THEMIS2: variants seen among roughly 807,000 people sequenced by gnomAD.
THEMIS2 encodes the protein thymocyte selection associated family member 2, also known as protein THEMIS2.
A neutral mutation model predicts 46.8 loss-of-function variants in THEMIS2; 29 were observed. That is an observed-to-expected ratio of 0.62 (90% CI 0.46 to 0.84). The LOEUF (loss-of-function observed/expected upper bound fraction) is 0.84, where lower values mean the gene tolerates loss of function less well. THEMIS2 is among the 40% of genes least tolerant of loss of function. The pLI is 0.00. For missense variants in THEMIS2, 698 were observed against 834.7 expected (o/e 0.84, Z 2.02); for synonymous variants, 335 against 349.1 (o/e 0.96, Z 0.45).
At chr1:27,881,826 G>A (rs1183142406) in intron 3 of THEMIS2, 145 bp from the exon 4 acceptor site, 17 of 631,906 alleles carry the variant, frequency 2.7e-5, no homozygotes, top group East Asian at 1.7e-4. Flanking sequence ...ACTCCATCTC[G>A]AGTGAAACTC....
intron 4 of THEMIS2, among the ~76,000 whole-genome samples, 172 bp downstream of exon 4, chr1:27,883,215 A>G (rs2089716215): frequency 1.3e-5 from 2 of 152,214 alleles, no homozygotes; most frequent in Middle Eastern, 3.4e-3. Flanking sequence ...TGAGGTTGGC[A>G]TGATTATCAG....
At chr1:27,875,604 G>T (rs1362499050) in intron 1 of THEMIS2, among the ~76,000 whole-genome samples, 2 of 152,198 alleles carry the variant, frequency 1.3e-5, no homozygotes, top group Non-Finnish European at 2.9e-5. Flanking sequence ...TAGCTGGATG[G>T]AGAGACTGTG....
intron 2 of THEMIS2, 41 bp downstream of exon 2, chr1:27,876,769 CT>C: frequency 6.2e-7 from 1 of 1,605,542 alleles, no homozygotes; most frequent in Non-Finnish European, 8.5e-7. Context: ...CCCTGGCACT[CT>C]CCTGGCACAC....
chr1:27,877,240 C>T (rs2089597270), intron 2 of THEMIS2, among the ~76,000 whole-genome samples: 1 of 152,178 alleles, frequency 6.6e-6, no homozygotes, highest in African/African-American at 2.4e-5. Context: ...GGCATCTGAA[C>T]CAGAAGAAAG....
chr1:27,880,136 C>T, intron 3 of THEMIS2, 82 bp downstream of exon 3: 3 of 1,418,350 alleles, frequency 2.1e-6, no homozygotes, highest in Admixed American at 5.0e-5. Flanking sequence ...ATGGAAGACA[C>T]CCCCACCCCA....
At position 27,879,901 on chromosome 1, in the gene THEMIS2, G is replaced by A. The variant is rs1260411403; in HGVS notation, c.493G>A (p.Gly165Arg). 6.2e-7 allele frequency: 1 copy of A among 1,612,066 alleles called. No individual in the cohort carries two copies. Among genetic ancestry groups the A allele is most frequent in the Non-Finnish European group, 8.5e-7 (1 of 1,179,050 alleles). Residue 165 changes from glycine (G) to arginine (R), a missense_variant, in exon 3 of 6, where the codon GGG becomes AGG. Coordinates refer to ENST00000373921, the MANE Select transcript of THEMIS2 (RefSeq NM_001105556.3). ...CCTGCACCTGCCCCTATCCCAGAAG[G>A]GGCCCTTCTGGACATGGGAGCCTAG... ...VILHLPLSQKGPFWTWEPSAP... is the reference protein window; with the variant it reads ...VILHLPLSQKRPFWTWEPSAP...
Position 27,886,180 on chromosome 1 carries a change from C to A in THEMIS2, c.*258C>A. 2.0e-6 allele frequency: 1 copy of A among 501,696 alleles called. No individual in the cohort carries two copies. Among genetic ancestry groups the A allele is most frequent in the South Asian group, 2.4e-5 (1 of 41,422 alleles). The allele number at this position is 501,696 out of a possible 1,614,324, so 31.1% of individuals were successfully genotyped here. On this transcript the variant is annotated 3_prime_UTR_variant, in exon 6 of 6. Coordinates refer to ENST00000373921, the MANE Select transcript of THEMIS2 (RefSeq NM_001105556.3). The stretch of plus-strand genomic sequence containing the variant: ...AGCCTCAGAGCCTTGGGATGCAGAG[C>A]AGCTGGCAGGGTTCCTCTCAATCCT...
chr1:27,874,692 G>A (rs1410903957), intron 1 of THEMIS2, among the ~76,000 whole-genome samples: 1 of 151,880 alleles, frequency 6.6e-6, no homozygotes, highest in African/African-American at 2.4e-5. Context: ...TGAGGTGGGA[G>A]GATTGCTTGA....
chr1:27,876,763 G>C (rs768167336), intron 2 of THEMIS2, 35 bp downstream of exon 2: 13 of 1,609,276 alleles, frequency 8.1e-6, no homozygotes, highest in Non-Finnish European at 1.1e-5. Flanking sequence ...CATGTGCCCT[G>C]GCACTCTCCT....
At chr1:27,876,787 G>A in intron 2 of THEMIS2, 59 bp downstream of exon 2, 2 of 1,582,966 alleles carry the variant, frequency 1.3e-6, no homozygotes, top group Non-Finnish European at 1.7e-6. Flanking sequence ...ACACCCGCAG[G>A]CTGCTCGTGG....
At chr1:27,885,568 A>G (rs2089756377) in intron 5 of THEMIS2, 117 bp downstream of exon 5, 27 of 1,315,944 alleles carry the variant, frequency 2.1e-5, no homozygotes, top group Non-Finnish European at 2.7e-5. Flanking sequence ...TCCCAGTTTG[A>G]TGGACAGGCC....
rs377358709 is a variant in THEMIS2, at chr1:27,876,528, C to T, written c.95-60C>T. ...GAGCAGAGCTTGTTGGGCACCAGGG[C>T]ACAGGCTGCCCAGCACTTGGCCCTT... On this transcript the variant is annotated intron_variant, in intron 1 of 5. Transcript: ENST00000373921. 5 of 1,581,670 alleles carry T rather than the reference C, an allele frequency of 3.2e-6. No individual in the cohort carries two copies. In the African/African-American group the frequency reaches 4.0e-5, roughly 13 times the overall value.
chr1:27,885,598 T>C, intron 5 of THEMIS2, 147 bp downstream of exon 5: 1 of 1,116,550 alleles, frequency 9.0e-7, no homozygotes, highest in Non-Finnish European at 1.2e-6. Context: ...TGGGCTCAGG[T>C]AGAAAGGTTC....
chr1:27,880,319 G>C (rs1279558218), intron 3 of THEMIS2, among the ~76,000 whole-genome samples: 1 of 152,116 alleles, frequency 6.6e-6, no homozygotes, highest in Non-Finnish European at 1.5e-5. Flanking sequence ...CGAGTAGCTG[G>C]GATTACAGGC....
intron 2 of THEMIS2, among the ~76,000 whole-genome samples, chr1:27,877,374 G>A (rs1029386511): frequency 6.6e-6 from 1 of 151,980 alleles, no homozygotes; most frequent in Admixed American, 6.6e-5. Context: ...CACCCAAGCT[G>A]GAGTGCAGTG....
Position 27,885,184 on chromosome 1 carries a change from G to T in THEMIS2, c.1720-111G>T, listed in dbSNP as rs1571593983. ...TCTTGAGAGGTCATAGCCTGAAAAG[G>T]AAGTAGAGAGAGAAGCAGAGGAAGT... On this transcript the variant is annotated intron_variant, in intron 4 of 5. Transcript: ENST00000373921. 15 of 1,170,562 alleles carry T rather than the reference G, an allele frequency of 1.3e-5. No homozygotes were observed. The East Asian group carries it at 3.7e-4, about 29-fold the overall frequency. 72.5% of individuals were successfully genotyped at this position (1,170,562 alleles called of 1,614,324 possible). A position where few individuals can be genotyped will look rare whatever the true frequency, so the allele number is the denominator to read the frequency against.
In THEMIS2 at chr1:27,886,392, C is replaced by T. The variant is rs1214652245; in HGVS notation, c.*470C>T. 2 of 176,414 alleles carry T rather than the reference C, an allele frequency of 1.1e-5. No individual in the cohort carries two copies. The highest frequency in any genetic ancestry group is 2.4e-5 in the African/African-American group (1 of 41,866). The allele number at this position is 176,414 out of a possible 1,614,324, so 10.9% of individuals were successfully genotyped here. ...GACTGTCTTCCTCATCTCTGTAGCA[C>T]CAAGCCTGATAGATCTGTATATGGT... On this transcript the variant is annotated 3_prime_UTR_variant, in exon 6 of 6. Transcript: ENST00000373921.
intron 1 of THEMIS2, among the ~76,000 whole-genome samples, chr1:27,874,111 G>A (rs1020003567): frequency 2.1e-4 from 30 of 139,794 alleles, no homozygotes; most frequent in African/African-American, 6.9e-4. Flanking sequence ...AGCTCACTGC[G>A]GCCTCGACCT....
chr1:27,881,131 A>G (rs143108724), intron 3 of THEMIS2, among the ~76,000 whole-genome samples: 1 of 151,910 alleles, frequency 6.6e-6, no homozygotes, highest in Admixed American at 6.6e-5. Context: ...TACTTGGAGG[A>G]AAAAAAATAA....
Sources: allele counts gnomAD v4.1 joint callset (sites outside exome capture counted in the v4.1 genomes callset), GRCh38; gene constraint gnomAD v4.1.1; transcripts MANE v1.5; gene names NCBI Gene and HGNC (gene_info 2026-07-23, HGNC 2026-07-21).